CBFB: variants seen among roughly 807,000 people sequenced by gnomAD.
The protein encoded by CBFB is core-binding factor subunit beta.
Under a neutral mutation model 30.4 loss-of-function variants are expected in CBFB, and 9 were observed. The ratio of observed to expected loss-of-function variants is 0.30; its 90% CI spans 0.18 to 0.52. The LOEUF (loss-of-function observed/expected upper bound fraction) is 0.52, where lower values mean the gene tolerates loss of function less well. Ranked by LOEUF, CBFB falls within the 20% of genes least tolerant of loss-of-function variation. The pLI is 0.97. For missense variants in CBFB, 170 were observed against 244.0 expected (o/e 0.70, Z 2.02); for synonymous variants, 94 against 84.0 (o/e 1.12, Z -0.65).
At chr16:67,037,589 G>T (rs1014685735) in intron 3 of CBFB, among the ~76,000 whole-genome samples, 1 of 151,486 alleles carries the variant, frequency 6.6e-6, no homozygotes, top group South Asian at 2.1e-4. Context: ...TTAGGTTAAA[G>T]ATACAAAAAT....
chr16:67,041,533 G>A (rs573565598), intron 3 of CBFB, among the ~76,000 whole-genome samples: 1 of 152,140 alleles, frequency 6.6e-6, no homozygotes, highest in South Asian at 2.1e-4. Context: ...ACCCGGGAAG[G>A]GGAGGTTGCA....
At chr16:67,055,994 A>G (rs1036385715) in intron 3 of CBFB, among the ~76,000 whole-genome samples, 2 of 152,198 alleles carry the variant, frequency 1.3e-5, no homozygotes, top group African/African-American at 2.4e-5. Context: ...TTGGGTGCCT[A>G]TGGCCATCCC....
intron 4 of CBFB, among the ~76,000 whole-genome samples, chr16:67,076,996 C>CTA (rs1192652948): frequency 6.6e-6 from 1 of 151,706 alleles, no homozygotes; most frequent in Non-Finnish European, 1.5e-5. Flanking sequence ...GTTATATAAA[C>CTA]TATAACTTCT....
At chr16:67,032,260 G>C (rs1300224540) in intron 2 of CBFB, among the ~76,000 whole-genome samples, 1 of 152,160 alleles carries the variant, frequency 6.6e-6, no homozygotes, top group Non-Finnish European at 1.5e-5. Context: ...GGGAGGTCGA[G>C]GCTGCAGTTA....
chr16:67,037,773 A>G (rs1408633531), intron 3 of CBFB, among the ~76,000 whole-genome samples: 1 of 147,914 alleles, frequency 6.8e-6, no homozygotes, highest in Non-Finnish European at 1.5e-5. Context: ...GTTTTAAGCT[A>G]TTCTCCTGCC....
At chr16:67,080,171 A>G (rs752393651) in intron 4 of CBFB, among the ~76,000 whole-genome samples, 10 of 152,206 alleles carry the variant, frequency 6.6e-5, no homozygotes, top group Non-Finnish European at 1.0e-4. Context: ...GTACACAGTG[A>G]GGGAGCTTTT....
chr16:67,056,452 G>GT (rs1309967191), intron 3 of CBFB, among the ~76,000 whole-genome samples: 1 of 152,152 alleles, frequency 6.6e-6, no homozygotes, highest in African/African-American at 2.4e-5. Flanking sequence ...AGGAACAGTG[G>GT]TTTAGTGTTC....
chr16:67,097,685 T>C (rs1962093392), intron 5 of CBFB, among the ~76,000 whole-genome samples: 1 of 152,242 alleles, frequency 6.6e-6, no homozygotes, highest in Non-Finnish European at 1.5e-5. Context: ...GTAGAACATA[T>C]ACTTCTCTGT....
intron 5 of CBFB, among the ~76,000 whole-genome samples, chr16:67,086,794 G>C (rs994406942): frequency 4.6e-5 from 7 of 152,152 alleles, no homozygotes. Flanking sequence ...TTCTGTCTTT[G>C]ATCAGCTGTC....
At chr16:67,042,748 ATT>A (rs777122664) in intron 3 of CBFB, among the ~76,000 whole-genome samples, 19 of 151,756 alleles carry the variant, frequency 1.3e-4, no homozygotes, top group Non-Finnish European at 2.4e-4. Flanking sequence ...TTATTTATTT[ATT>A]TATTTGAGAC....
At chr16:67,072,273 A>T (rs1281126403) in intron 4 of CBFB, among the ~76,000 whole-genome samples, 1 of 152,192 alleles carries the variant, frequency 6.6e-6, no homozygotes, top group Non-Finnish European at 1.5e-5. Flanking sequence ...TACGTTTTTA[A>T]ATAAAACAAC....
At chr16:67,085,827 G>A (rs1383769074) in intron 5 of CBFB, among the ~76,000 whole-genome samples, 2 of 151,830 alleles carry the variant, frequency 1.3e-5, no homozygotes, top group Admixed American at 1.3e-4. Flanking sequence ...ACAGGCGCCC[G>A]CCACCATGCC....
At chr16:67,038,541 C>G (rs922885760) in intron 3 of CBFB, among the ~76,000 whole-genome samples, 2 of 151,774 alleles carry the variant, frequency 1.3e-5, no homozygotes, top group Non-Finnish European at 2.9e-5. Context: ...GTTTGCTTTC[C>G]TGTGTATTAG....
chr16:67,046,842 G>A (rs1966635540), intron 3 of CBFB, among the ~76,000 whole-genome samples: 1 of 152,158 alleles, frequency 6.6e-6, no homozygotes, highest in African/African-American at 2.4e-5. Flanking sequence ...TTGTACAGAG[G>A]ATTGGAAGCT....
intron 5 of CBFB, among the ~76,000 whole-genome samples, chr16:67,092,227 C>G (rs1567625772): frequency 6.6e-6 from 1 of 152,108 alleles, no homozygotes; most frequent in African/African-American, 2.4e-5. Flanking sequence ...TGATGGCTTC[C>G]AGCTTCATCC....
chr16:67,050,761 C>G (rs1966726520), intron 3 of CBFB, among the ~76,000 whole-genome samples: 1 of 152,080 alleles, frequency 6.6e-6, no homozygotes, highest in Admixed American at 6.6e-5. Context: ...CCATGACACT[C>G]TAGCCTGGGC....
intron 4 of CBFB, among the ~76,000 whole-genome samples, chr16:67,080,420 A>G (rs930019239): frequency 1.3e-5 from 2 of 152,156 alleles, no homozygotes; most frequent in Non-Finnish European, 2.9e-5. Flanking sequence ...TCAGTGGTTG[A>G]TTGATTGTGG....
intron 2 of CBFB, 115 bp downstream of exon 2, chr16:67,029,928 C>G (rs1021280049): frequency 1.7e-6 from 1 of 582,038 alleles, no homozygotes; most frequent in Non-Finnish European, 2.8e-6. Flanking sequence ...GAGTGGGCGC[C>G]GTCTCACTTC....
At chr16:67,051,905 A>ATG (rs1960554404) in intron 3 of CBFB, among the ~76,000 whole-genome samples, 3 of 138,568 alleles carry the variant, frequency 2.2e-5, no homozygotes, top group Admixed American at 2.1e-4. Context: ...ATATATATAT[A>ATG]TGTGTATACA....
Sources: gnomAD v4.1 joint callset for allele counts (sites outside exome capture counted in the v4.1 genomes callset) on GRCh38, gnomAD v4.1.1 for gene constraint, MANE v1.5 for transcripts, NCBI Gene and HGNC (gene_info 2026-07-23, HGNC 2026-07-21) for gene names.